Variants in SETD9 observed in about 807,000 individuals in gnomAD.
The protein encoded by SETD9 is SET domain containing 9.
Under a neutral mutation model 36.4 loss-of-function variants are expected in SETD9, and 37 were observed. The observed-to-expected ratio is 1.02, with a 90% CI of 0.78 to 1.34. The LOEUF is 1.34. Ranked by LOEUF, SETD9 falls within the 40% of genes most tolerant of loss-of-function variation. SETD9 has a pLI of 0.00. For synonymous variants in SETD9, 128 were observed against 132.9 expected (o/e 0.96, Z 0.26); for missense variants, 323 against 353.2 (o/e 0.91, Z 0.69).
chr5:56,910,257 T>C, intron 1 of SETD9: 1 of 1,302,412 alleles, frequency 7.7e-7, no homozygotes, highest in Non-Finnish European at 1.0e-6. Context: ...CCAGGGTTTA[T>C]TTTCATAGTT....
In SETD9 at chr5:56,913,001, T is replaced by C. The variant is rs1749226704; in HGVS notation, c.467-10T>C. The C allele has an allele frequency of 6.2e-7, 1 of 1,610,874 alleles. No homozygotes were observed. Among genetic ancestry groups the C allele is most frequent in the African/African-American group, 1.3e-5 (1 of 74,858 alleles). On this transcript the variant is annotated splice_polypyrimidine_tract_variant and intron_variant, in intron 2 of 5. Transcript: ENST00000285947. ...TTGTTATCATATTTCTTTGTCTTGT[T>C]GTGTAATAGGTACAGTATATCAGAA...
chr5:56,913,763 CTTTTT>C (rs74270761), intron 3 of SETD9, 106 bp from the exon 4 acceptor site: 1 of 528,842 alleles, frequency 1.9e-6, no homozygotes, highest in South Asian at 2.8e-5. Flanking sequence ...ATACTAAAGT[CTTTTT>C]TTTTTTTTTT....
chr5:56,926,035 C>A (rs1749960152), downstream of SETD9, among the ~76,000 whole-genome samples: 1 of 151,848 alleles, frequency 6.6e-6, no homozygotes, highest in South Asian at 2.1e-4. Context: ...TACAACTGGA[C>A]ATCCACATAA....
chr5:56,909,558 C>T, upstream of SETD9: 5 of 1,008,778 alleles, frequency 5.0e-6, no homozygotes, highest in Non-Finnish European at 7.0e-6. Context: ...CGGCCGAGCG[C>T]GGCCCCCTCT....
At chr5:56,910,500 G>C (rs2112006369) in intron 1 of SETD9, 2 of 994,236 alleles carry the variant, frequency 2.0e-6, no homozygotes, top group Middle Eastern at 6.1e-4. Context: ...GACAAATAGG[G>C]AAACAAAGCG....
At position 56,916,898 on chromosome 5, in the gene SETD9, G is replaced by T; in HGVS notation, c.896G>T (p.Ser299Ile). 2 of 1,596,628 alleles carry T rather than the reference G, an allele frequency of 1.3e-6. No individual in the cohort carries two copies. Among genetic ancestry groups the T allele is most frequent in the Middle Eastern group, 1.7e-4 (1 of 6,036 alleles). The change falls in exon 6 of 6, where the codon AGC becomes ATC. Residue 299 changes from serine to isoleucine, a missense_variant. By Grantham distance (142) the Ser-to-Ile change is moderately radical. Transcript: ENST00000285947. ...TTTTCAAACTACTACACAATTGTCAGCTAACTCTGTGAATCAGAAATTATT... is the reference window on the plus strand; with the variant it reads ...TTTTCAAACTACTACACAATTGTCATCTAACTCTGTGAATCAGAAATTATT... ...ELFSNYYTIV[S>I]
intron 5 of SETD9, among the ~76,000 whole-genome samples, chr5:56,924,990 T>G (rs73136966): frequency 0.032 from 4,937 of 152,320 alleles, 274 homozygotes; most frequent in African/African-American, 0.11. Context: ...CTACAGACCT[T>G]TTCTGTCTTA....
At chr5:56,912,345 T>C in intron 2 of SETD9, 1 of 642,746 alleles carries the variant, frequency 1.6e-6, no homozygotes, top group Non-Finnish European at 1.9e-6. Flanking sequence ...TTATTTGGTA[T>C]AGTGGAAAGT....
chr5:56,911,604 A>G lies in SETD9; in HGVS notation c.466+68A>G, dbSNP rs921681102. The G allele has an allele frequency of 5.6e-6, 8 of 1,438,140 alleles. No individual in the cohort carries two copies. The Admixed American group carries it at 1.8e-4, about 33-fold the overall frequency. The allele number at this position is 1,438,140 out of a possible 1,614,324, so 89.1% of individuals were successfully genotyped here. A position where few individuals can be genotyped will look rare whatever the true frequency, so the allele number is the denominator to read the frequency against. ...TATTGATAAACATAAGTTCAGTAAC[A>G]TACCCAGCCTTGCAATCCTTAGAGT... On this transcript the variant is annotated intron_variant, in intron 2 of 5. Coordinates refer to ENST00000285947, the MANE Select transcript of SETD9 (RefSeq NM_153706.4).
At chr5:56,917,668 C>T (rs547820692), downstream of SETD9, among the ~76,000 whole-genome samples, 32 of 152,310 alleles carry the variant, frequency 2.1e-4, no homozygotes, top group African/African-American at 7.7e-4. Flanking sequence ...CTCTGGCTGC[C>T]AGCAGAAAGA....
chr5:56,921,719 A>C (rs1032981454), downstream of SETD9: 1 of 152,672 alleles, frequency 6.5e-6, no homozygotes, highest in African/African-American at 2.4e-5. Flanking sequence ...AATGCAGCCA[A>C]ACATTTGTTT....
At chr5:56,910,330 T>G (rs1426791681) in intron 1 of SETD9, 2 of 1,304,146 alleles carry the variant, frequency 1.5e-6, no homozygotes, top group Non-Finnish European at 2.0e-6. Flanking sequence ...GTGCAGTAGC[T>G]CGCGCGTTAA....
chr5:56,923,063 C>T (rs1749749189), intron 5 of SETD9: 1 of 1,413,410 alleles, frequency 7.1e-7, no homozygotes, highest in African/African-American at 1.4e-5. Flanking sequence ...AAAGACTATG[C>T]AAACCTGATA....
chr5:56,911,146 A>G (rs982192008), intron 1 of SETD9, 23 bp from the exon 2 acceptor site: 2 of 1,521,348 alleles, frequency 1.3e-6, no homozygotes, highest in South Asian at 1.4e-5. Flanking sequence ...AGGGTAGTGA[A>G]TAGAAACTTT....
chr5:56,913,881 A>C lies in SETD9; in HGVS notation c.598A>C (p.Asn200His). The C allele has an allele frequency of 6.2e-7, 1 of 1,606,544 alleles. No homozygotes were observed. Among genetic ancestry groups the C allele is most frequent in the Non-Finnish European group, 8.5e-7 (1 of 1,173,298 alleles). ...TGCTTTCACTTGTTTCAGATCTTGCAATGGGAGGGATCGACTCGGCCCTTT... is the reference window on the plus strand; with the variant it reads ...TGCTTTCACTTGTTTCAGATCTTGCCATGGGAGGGATCGACTCGGCCCTTT... ...GISKVVYRSC[N>H]GRDRLGPLKM... The change falls in exon 4 of 6, where the codon AAT (asparagine) becomes CAT (histidine). Residue 200 changes from asparagine to histidine, a missense_variant. Coordinates refer to ENST00000285947, the MANE Select transcript of SETD9 (RefSeq NM_153706.4).
chr5:56,925,944 C>T (rs990565325), downstream of SETD9, among the ~76,000 whole-genome samples: 9 of 151,948 alleles, frequency 5.9e-5, no homozygotes, highest in Admixed American at 2.0e-4. Context: ...ATACACCCCA[C>T]GGGTACAGTC....
Position 56,923,908 on chromosome 5 carries a change from T to C in SETD9, c.813-1425T>C, listed in dbSNP as rs772172601. ...TAAGTCTTTGAAGGCAAGGCCACAGTACTTACGTAACTCCAGGGTGATGGT... is the reference window on the plus strand; with the variant it reads ...TAAGTCTTTGAAGGCAAGGCCACAGCACTTACGTAACTCCAGGGTGATGGT... On this transcript the variant is annotated intron_variant, in intron 5 of 5. Transcript: ENST00000628593. 3.1e-6 allele frequency: 5 copies of C among 1,614,006 alleles called. No homozygotes were observed. The African/African-American group carries it at 5.3e-5, about 17-fold the overall frequency.
chr5:56,911,886 T>C (rs1476585811), intron 2 of SETD9, among the ~76,000 whole-genome samples: 1 of 152,128 alleles, frequency 6.6e-6, no homozygotes, highest in Non-Finnish European at 1.5e-5. Flanking sequence ...AAAAATGGTA[T>C]GGATAGGCTC....
intron 1 of SETD9, chr5:56,910,040 T>G (rs921366236): frequency 1.0e-4 from 137 of 1,319,002 alleles, no homozygotes; most frequent in Non-Finnish European, 1.2e-4. Flanking sequence ...TTTCCCAGTG[T>G]CCGCTGCGCT....
Sources: allele counts gnomAD v4.1 joint callset (sites outside exome capture counted in the v4.1 genomes callset), GRCh38; gene constraint gnomAD v4.1.1; transcripts MANE v1.5; gene names NCBI Gene and HGNC (gene_info 2026-07-23, HGNC 2026-07-21).